Variants in GARIN4 observed in about 807,000 individuals in gnomAD.
GARIN4 encodes the protein Golgi-associated RAB2 interactor protein 4.
chr1:212,625,925 A>C, the GARIN4 span: 1 of 1,614,214 alleles, frequency 6.2e-7, no homozygotes, highest in Non-Finnish European at 8.5e-7. Flanking sequence ...GGCTGCAGGC[A>C]AGTCCTCAGA....
the GARIN4 span, chr1:212,625,145 C>A: frequency 6.2e-7 from 1 of 1,614,140 alleles, no homozygotes; most frequent in Non-Finnish European, 8.5e-7. Context: ...GCTACTGGCA[C>A]GACCGGCCAC....
At chr1:212,626,775 A>T in the GARIN4 span, 1 of 1,451,852 alleles carries the variant, frequency 6.9e-7, no homozygotes, top group Non-Finnish European at 9.3e-7. Context: ...TACATCTGAA[A>T]GTGGCTTGCT....
At chr1:212,624,663 C>T in the GARIN4 span, 30 of 776,712 alleles carry the variant, frequency 3.9e-5, no homozygotes, top group Middle Eastern at 7.8e-4. Context: ...CCTACAGCAC[C>T]CCCCACAGCA....
chr1:212,624,772 A>G, the GARIN4 span: 4 of 1,439,390 alleles, frequency 2.8e-6, no homozygotes, highest in South Asian at 4.5e-5. Flanking sequence ...AGCTGCAGAG[A>G]CATCTTTGTG....
chr1:212,625,274 G>GAGA, the GARIN4 span: 1 of 1,614,222 alleles, frequency 6.2e-7, no homozygotes, highest in Non-Finnish European at 8.5e-7. Context: ...CTCTGTTCAA[G>GAGA]ACCATGAGAA....
the GARIN4 span, chr1:212,626,041 T>C: frequency 6.2e-7 from 1 of 1,614,202 alleles, no homozygotes; most frequent in African/African-American, 1.3e-5. Flanking sequence ...CAGACATGGA[T>C]GCAGCAGCGG....
chr1:212,626,549 G>A, the GARIN4 span: 12 of 1,614,166 alleles, frequency 7.4e-6, no homozygotes, highest in Non-Finnish European at 1.0e-5. Context: ...TAAGATGGCG[G>A]AGAGGAGCAC....
the GARIN4 span, chr1:212,625,265 T>G: frequency 6.2e-7 from 1 of 1,614,204 alleles, no homozygotes; most frequent in Non-Finnish European, 8.5e-7. Context: ...TGTACGGATC[T>G]CTGTTCAAGA....
chr1:212,625,536 G>A, the GARIN4 span: 2 of 1,614,126 alleles, frequency 1.2e-6, no homozygotes, highest in East Asian at 4.5e-5. Context: ...GACCAGGTCA[G>A]CATCCAAAGC....
At chr1:212,626,563 C>T in the GARIN4 span, 411 of 1,614,118 alleles carry the variant, frequency 2.5e-4, no homozygotes, top group African/African-American at 4.4e-3. Context: ...GGAGCACCAA[C>T]GTGGCCATCG....
the GARIN4 span, chr1:212,626,707 G>C: frequency 1.6e-5 from 24 of 1,535,310 alleles, no homozygotes; most frequent in South Asian, 2.9e-4. Context: ...AGAGCTCATG[G>C]GAGTGTCCCT....
At chr1:212,626,599 G>A in the GARIN4 span, 20 of 1,613,796 alleles carry the variant, frequency 1.2e-5, no homozygotes, top group Non-Finnish European at 1.5e-5. Flanking sequence ...GTGGCCAGGG[G>A]CTGGAGACGG....
chr1:212,625,127 G>A, the GARIN4 span: 2 of 1,614,186 alleles, frequency 1.2e-6, no homozygotes, highest in Non-Finnish European at 1.7e-6. Flanking sequence ...CCCACTCCCA[G>A]ATGTCATGCT....
the GARIN4 span, chr1:212,626,352 G>C: frequency 1.9e-6 from 3 of 1,614,064 alleles, no homozygotes; most frequent in African/African-American, 2.7e-5. Context: ...TCGCATAAAG[G>C]TGTCAGCCAC....
At chr1:212,625,190 A>T in the GARIN4 span, 1 of 1,614,104 alleles carries the variant, frequency 6.2e-7, no homozygotes, top group African/African-American at 1.3e-5. Flanking sequence ...TGGCCAGGCC[A>T]CCAAGAGAAA....
the GARIN4 span, chr1:212,625,573 G>A: frequency 6.2e-7 from 1 of 1,614,126 alleles, no homozygotes; most frequent in Non-Finnish European, 8.5e-7. Flanking sequence ...AGGTGTGTGG[G>A]GCCACCTCTG....
the GARIN4 span, chr1:212,625,711 A>AGCAGCAGCAGGG: frequency 6.2e-7 from 1 of 1,613,618 alleles, no homozygotes. Flanking sequence ...TTAAAGAGGC[A>AGCAGCAGCAGGG]GCAGCAGCAG....
At chr1:212,624,839 C>A in the GARIN4 span, 17 of 1,513,162 alleles carry the variant, frequency 1.1e-5, no homozygotes, top group Non-Finnish European at 1.5e-5. Context: ...GACCCAGAGA[C>A]CTGCCTCACC....
chr1:212,626,002 A>C, the GARIN4 span: 13 of 1,614,116 alleles, frequency 8.1e-6, no homozygotes, highest in Non-Finnish European at 1.1e-5. Flanking sequence ...TTGCAGGAGT[A>C]GTACTGACCA....
Sources: allele counts gnomAD v4.1 joint callset, GRCh38; gene constraint gnomAD v4.1.1; transcripts MANE v1.5; gene names NCBI Gene and HGNC (gene_info 2026-07-23, HGNC 2026-07-21).